The following MC2R variants were observed in gnomAD, a reference collection of about 807,000 sequenced individuals.
MC2R encodes melanocortin 2 receptor, also known as adrenocorticotropic hormone receptor.
A neutral mutation model predicts 9.8 loss-of-function variants in MC2R; 9 were observed. The ratio of observed to expected loss-of-function variants is 0.92; its 90% CI spans 0.55 to 1.60. MC2R has a LOEUF of 1.60. Among genes scored for constraint, MC2R ranks in the 40% most tolerant of loss-of-function variants. The pLI is 0.00. For synonymous variants in MC2R, 185 were observed against 154.7 expected (o/e 1.20, Z -1.45); for missense variants, 370 against 389.0 (o/e 0.95, Z 0.41).
At chr18:13,886,491 C>G (rs374281107) in intron 1 of MC2R, among the ~76,000 whole-genome samples, 1 of 152,190 alleles carries the variant, frequency 6.6e-6, no homozygotes, top group African/African-American at 2.4e-5. Context: ...CCTTCTCTGA[C>G]TGGGAGGCGG....
chr18:13,900,274 C>G (rs2045371310), intron 1 of MC2R, among the ~76,000 whole-genome samples: 1 of 151,684 alleles, frequency 6.6e-6, no homozygotes, highest in African/African-American at 2.4e-5. Flanking sequence ...CACAAAAAAC[C>G]AAAAGCAGGG....
At chr18:13,912,037 C>T (rs1347426300) in intron 1 of MC2R, among the ~76,000 whole-genome samples, 1 of 152,108 alleles carries the variant, frequency 6.6e-6, no homozygotes, top group Admixed American at 6.5e-5. Context: ...CTTACGAGTG[C>T]TTTAGGTAAT....
chr18:13,889,917 G>A (rs946777249), intron 1 of MC2R, among the ~76,000 whole-genome samples: 1 of 152,074 alleles, frequency 6.6e-6, no homozygotes, highest in Admixed American at 6.5e-5. Flanking sequence ...CCAAGAGACC[G>A]GTCTAAAGTC....
intron 1 of MC2R, among the ~76,000 whole-genome samples, chr18:13,890,546 C>T (rs2045309927): frequency 6.6e-6 from 1 of 152,058 alleles, no homozygotes; most frequent in Non-Finnish European, 1.5e-5. Flanking sequence ...CTGCACGTGT[C>T]GGGGTGAGGT....
intron 1 of MC2R, among the ~76,000 whole-genome samples, chr18:13,891,790 A>T (rs1319033728): frequency 2.6e-5 from 4 of 152,108 alleles, no homozygotes; most frequent in African/African-American, 9.7e-5. Context: ...TTCAGTGCCC[A>T]GGAACACATC....
chr18:13,912,190 CT>C (rs2149144546), intron 1 of MC2R, among the ~76,000 whole-genome samples: 1 of 152,256 alleles, frequency 6.6e-6, no homozygotes, highest in African/African-American at 2.4e-5. Flanking sequence ...GCCATGGTTT[CT>C]CTTGCAATGT....
intron 1 of MC2R, among the ~76,000 whole-genome samples, chr18:13,913,689 C>T (rs569051861): frequency 5.3e-5 from 8 of 152,214 alleles, no homozygotes; most frequent in Non-Finnish European, 1.0e-4. Context: ...GGCCTGGACA[C>T]GTCCTTCCTC....
chr18:13,898,813 T>A (rs59001731), intron 1 of MC2R, among the ~76,000 whole-genome samples: 1 of 152,366 alleles, frequency 6.6e-6, no homozygotes, highest in Non-Finnish European at 1.5e-5. Flanking sequence ...ACAGTGTTAC[T>A]GGGCTTGGAG....
chr18:13,902,721 C>T (rs990487190), intron 1 of MC2R, among the ~76,000 whole-genome samples: 2 of 152,086 alleles, frequency 1.3e-5, no homozygotes, highest in African/African-American at 4.8e-5. Context: ...AATATAAGAC[C>T]TCAAACTATG....
intron 1 of MC2R, among the ~76,000 whole-genome samples, chr18:13,892,795 CATA>C (rs1205726351): frequency 7.6e-6 from 1 of 132,390 alleles, no homozygotes; most frequent in Non-Finnish European, 1.6e-5. Context: ...TGGAGATAGA[CATA>C]ATCTGTTACA....
At chr18:13,902,354 T>C (rs2045385229) in intron 1 of MC2R, among the ~76,000 whole-genome samples, 1 of 152,104 alleles carries the variant, frequency 6.6e-6, no homozygotes, top group Non-Finnish European at 1.5e-5. Flanking sequence ...AAAATTTATA[T>C]GGAACCACAA....
intron 1 of MC2R, among the ~76,000 whole-genome samples, chr18:13,890,886 TGA>T (rs2045312045): frequency 1.7e-5 from 1 of 60,292 alleles, no homozygotes; most frequent in Non-Finnish European, 3.6e-5. Context: ...ATTGCTGAGA[TGA>T]TGGGATTAGC....
intron 1 of MC2R, among the ~76,000 whole-genome samples, chr18:13,910,482 T>C (rs2045438423): frequency 6.6e-6 from 1 of 152,268 alleles, no homozygotes; most frequent in South Asian, 2.1e-4. Flanking sequence ...AATAGCTTTC[T>C]GGACTTTTGA....
At position 13,892,147 on chromosome 18, in the gene MC2R, G is replaced by A. The variant is rs568448412; in HGVS notation, c.-128-6501C>T. Among the ~76,000 whole-genome samples the A allele has an allele frequency of 3.3e-5, 5 of 152,298 alleles. No individual in the cohort carries two copies. In the East Asian group the frequency reaches 7.7e-4, roughly 24 times the overall value. ...TCATGCAGGGTCGTGCTGGGGGCTA[G>A]GGAATGGATGACTCCCTCTCGCTGA... On this transcript the variant is annotated intron_variant, in intron 1 of 1. Coordinates refer to ENST00000327606, the MANE Select transcript of MC2R (RefSeq NM_000529.2).
intron 1 of MC2R, among the ~76,000 whole-genome samples, chr18:13,913,860 C>T (rs2045460954): frequency 6.6e-6 from 1 of 152,192 alleles, no homozygotes; most frequent in African/African-American, 2.4e-5. Flanking sequence ...GCAGATGGAT[C>T]TGAGTTCCTT....
intron 1 of MC2R, among the ~76,000 whole-genome samples, chr18:13,890,522 C>T (rs1478309893): frequency 3.3e-5 from 5 of 152,080 alleles, no homozygotes; most frequent in African/African-American, 1.2e-4. Flanking sequence ...AGCTGTCACG[C>T]GGCTGGGGCT....
intron 1 of MC2R, among the ~76,000 whole-genome samples, chr18:13,904,010 C>G (rs1445601085): frequency 1.3e-5 from 2 of 151,204 alleles, no homozygotes; most frequent in East Asian, 3.9e-4. Flanking sequence ...TTCATTTCCA[C>G]AGATGTCTGC....
intron 1 of MC2R, among the ~76,000 whole-genome samples, chr18:13,900,747 A>G (rs975102064): frequency 3.3e-5 from 5 of 152,136 alleles, no homozygotes; most frequent in African/African-American, 1.2e-4. Context: ...TAGCTATATA[A>G]AGCAAATTTA....
intron 1 of MC2R, among the ~76,000 whole-genome samples, chr18:13,903,455 C>T (rs1402322945): frequency 6.6e-6 from 1 of 152,136 alleles, no homozygotes; most frequent in East Asian, 1.9e-4. Flanking sequence ...TGTTCATCAA[C>T]AGATGAATGG....
Sources: gnomAD v4.1 joint callset for allele counts (sites outside exome capture counted in the v4.1 genomes callset) on GRCh38, gnomAD v4.1.1 for gene constraint, MANE v1.5 for transcripts, NCBI Gene and HGNC (gene_info 2026-07-23, HGNC 2026-07-21) for gene names.